The following MARK4 variants were observed in gnomAD, a reference collection of about 807,000 sequenced individuals.
The protein encoded by MARK4 is microtubule affinity regulating kinase 4.
In MARK4, 19 loss-of-function variants were observed where a neutral mutation model predicts 81.5. The ratio of observed to expected loss-of-function variants is 0.23; its 90% CI spans 0.16 to 0.34. The LOEUF (loss-of-function observed/expected upper bound fraction) is 0.34. Ranked by LOEUF, MARK4 falls within the 10% of genes least tolerant of loss-of-function variation. MARK4 has a pLI of 1.00. For synonymous variants in MARK4, 436 were observed against 439.0 expected (o/e 0.99, Z 0.08); for missense variants, 772 against 1,058.8 (o/e 0.73, Z 3.76).
intron 16 of MARK4, among the ~76,000 whole-genome samples, chr19:45,300,371 G>A (rs1201539224): frequency 0.066 from 1,646 of 25,050 alleles, no homozygotes; most frequent in East Asian, 0.16. Flanking sequence ...AAAAAAAAAA[G>A]CCTCATCCCA....
intron 10 of MARK4, among the ~76,000 whole-genome samples, chr19:45,279,223 AAAAG>A (rs1290281300): frequency 6.6e-6 from 1 of 151,958 alleles, no homozygotes; most frequent in Non-Finnish European, 1.5e-5. Flanking sequence ...GTGTCTCAAA[AAAAG>A]AAAAAAAGGT....
intron 13 of MARK4, among the ~76,000 whole-genome samples, chr19:45,292,346 C>T (rs1298918298): frequency 1.3e-5 from 2 of 152,262 alleles, no homozygotes; most frequent in East Asian, 1.9e-4. Flanking sequence ...GTTTGAATTA[C>T]ATTAATGAGC....
At chr19:45,285,538 C>G (rs965456294) in intron 12 of MARK4, among the ~76,000 whole-genome samples, 2 of 152,220 alleles carry the variant, frequency 1.3e-5, no homozygotes, top group Non-Finnish European at 2.9e-5. Context: ...CCTACCCCCA[C>G]CATTGCTGGA....
At chr19:45,253,190 C>T (rs563297914) in intron 1 of MARK4, among the ~76,000 whole-genome samples, 1 of 138,456 alleles carries the variant, frequency 7.2e-6, no homozygotes, top group Non-Finnish European at 1.6e-5. Context: ...CAGACCCCCC[C>T]ACACACACAC....
At chr19:45,301,425 G>A (rs953525294) in intron 16 of MARK4, among the ~76,000 whole-genome samples, 2 of 151,956 alleles carry the variant, frequency 1.3e-5, no homozygotes, top group African/African-American at 2.4e-5. Context: ...TTAGCTGGCC[G>A]TGGTGCCTGT....
chr19:45,292,465 T>C (rs909227310), intron 13 of MARK4, among the ~76,000 whole-genome samples: 2 of 152,216 alleles, frequency 1.3e-5, no homozygotes, highest in African/African-American at 4.8e-5. Flanking sequence ...TAAGATCTCA[T>C]ACGTGAAGTA....
intron 12 of MARK4, among the ~76,000 whole-genome samples, chr19:45,287,041 C>CCAGTCTAA (rs1315791638): frequency 6.6e-6 from 1 of 151,760 alleles, no homozygotes; most frequent in Non-Finnish European, 1.5e-5. Flanking sequence ...TAGGCTGTTC[C>CCAGTCTAA]CAGTCTAATG....
intron 2 of MARK4, among the ~76,000 whole-genome samples, chr19:45,261,793 C>T (rs1970383951): frequency 2.0e-5 from 3 of 151,954 alleles, no homozygotes; most frequent in African/African-American, 4.8e-5. Flanking sequence ...ATTAGCCAGG[C>T]ATGGTGACGC....
At chr19:45,285,261 CAAAAAAAAAAAAAA>C (rs71173139) in intron 12 of MARK4, among the ~76,000 whole-genome samples, 1 of 57,108 alleles carries the variant, frequency 1.8e-5, no homozygotes, top group Non-Finnish European at 3.4e-5. Flanking sequence ...TGCCGTGTCT[CAAAAAAAAAAAAAA>C]AAAAAAAAAA....
intron 8 of MARK4, 68 bp from the exon 9 acceptor site, chr19:45,277,855 G>C (rs1365695295): frequency 7.1e-7 from 1 of 1,408,816 alleles, no homozygotes; most frequent in Non-Finnish European, 9.8e-7. Flanking sequence ...GTGTGTGTGT[G>C]TGTGTGTGTG....
At position 45,264,730 on chromosome 19, in the gene MARK4, G is replaced by A. The variant is rs756275545; in HGVS notation, c.402G>A (p.Val134=). 1.2e-6 allele frequency: 2 copies of A among 1,614,130 alleles called. No homozygotes were observed. Among genetic ancestry groups the A allele is most frequent in the East Asian group, 4.5e-5 (2 of 44,884 alleles). The part of the protein sequence containing the change: ...VIETEKTLYL[V]MEYASAGEVF... ...AGACTGAGAAGACGCTGTACCTGGT[G>A]ATGGAGTACGCAAGTGCTGGTGAGC... Residue 134 remains valine (V), a synonymous_variant, in exon 5 of 17, where the codon GTG becomes GTA. Coordinates refer to ENST00000262891, the MANE Select transcript of MARK4 (RefSeq NM_001199867.2).
chr19:45,287,586 C>T lies in MARK4; in HGVS notation c.1416C>T (p.Ser472=), dbSNP rs1970761516. The change falls in exon 13 of 17, where the codon TCC becomes TCT. Residue 472 remains serine, a synonymous_variant. Transcript: ENST00000262891. ...GTGGGAGTCGAGGGCTGCCCCCCTC[C>T]AGCCCCATGGTCAGCAGCGCCCACA... ...AGSGSRGLPP[S]SPMVSSAHNP... 1.9e-6 allele frequency: 3 copies of T among 1,598,718 alleles called. No homozygotes were observed. The highest frequency in any genetic ancestry group is 1.3e-5 in the African/African-American group (1 of 74,598).
chr19:45,282,534 A>T (rs1388555598), intron 12 of MARK4, among the ~76,000 whole-genome samples: 3 of 151,514 alleles, frequency 2.0e-5, no homozygotes, highest in East Asian at 2.0e-4. Context: ...CTCTACAAAA[A>T]AATTAAAAAT....
At chr19:45,296,067 T>C (rs1970882946) in intron 14 of MARK4, among the ~76,000 whole-genome samples, 1 of 151,960 alleles carries the variant, frequency 6.6e-6, no homozygotes, top group South Asian at 2.1e-4. Context: ...CACAGAGAGG[T>C]TAAGTAACTT....
intron 12 of MARK4, among the ~76,000 whole-genome samples, chr19:45,283,303 G>A (rs1970700325): frequency 6.6e-6 from 1 of 151,230 alleles, no homozygotes; most frequent in Non-Finnish European, 1.5e-5. Flanking sequence ...CAGCTACTCA[G>A]GAGTCTGAGG....
rs763120467 is a variant in MARK4, at chr19:45,263,106, C to T, written c.253-7C>T. 1.9e-6 allele frequency: 3 copies of T among 1,602,606 alleles called. No individual in the cohort carries two copies. The highest frequency in any genetic ancestry group is 2.7e-5 in the African/African-American group (2 of 74,614). ...TGACCGTCCCTCCTCCTTTCCTCCC[C>T]CTCTAGGTTGCCATCAAGATTATCG... On this transcript the variant is annotated splice_polypyrimidine_tract_variant and splice_region_variant and intron_variant, in intron 2 of 16. Coordinates refer to ENST00000262891, the MANE Select transcript of MARK4 (RefSeq NM_001199867.2).
At chr19:45,287,884 AAG>A in intron 13 of MARK4, 1 of 620,162 alleles carries the variant, frequency 1.6e-6, no homozygotes, top group African/African-American at 1.8e-5. Flanking sequence ...TTCTGTGTCA[AAG>A]AAGTGCAGAA....
At chr19:45,276,538 T>G (rs1037649908) in intron 8 of MARK4, among the ~76,000 whole-genome samples, 10 of 151,680 alleles carry the variant, frequency 6.6e-5, no homozygotes, top group African/African-American at 1.9e-4. Flanking sequence ...GGAGAGGCAG[T>G]AGGGTCTCCT....
intron 1 of MARK4, among the ~76,000 whole-genome samples, chr19:45,252,120 G>T (rs1445909777): frequency 6.6e-6 from 1 of 151,880 alleles, no homozygotes; most frequent in Non-Finnish European, 1.5e-5. Context: ...GGCTCCCCAG[G>T]AGCCCCCCTC....
Sources: gnomAD v4.1 joint callset for allele counts (sites outside exome capture counted in the v4.1 genomes callset) on GRCh38, gnomAD v4.1.1 for gene constraint, MANE v1.5 for transcripts, NCBI Gene and HGNC (gene_info 2026-07-23, HGNC 2026-07-21) for gene names.